Variants in COL4A4 observed in about 807,000 individuals in gnomAD.
COL4A4 encodes collagen alpha-4(IV) chain.
COL4A4 carries 105 observed loss-of-function variants against 192.9 expected under a neutral mutation model. The ratio of observed to expected loss-of-function variants is 0.54; its 90% confidence interval spans 0.46 to 0.64. COL4A4 has a LOEUF of 0.64. Ranked by LOEUF, COL4A4 falls within the 30% of genes least tolerant of loss-of-function variation. COL4A4 has a pLI of 0.00. For synonymous variants in COL4A4, 762 were observed against 769.9 expected, an observed-to-expected ratio of 0.99 and a Z score of 0.17; for missense variants, 1,967 against 2,169.3, an observed-to-expected ratio of 0.91 and a Z score of 1.85.
intron 21 of COL4A4, among the ~76,000 whole-genome samples, chr2:227,089,087 AAG>A (rs1374379025): frequency 6.6e-6 from 1 of 152,168 alleles, no homozygotes; most frequent in Non-Finnish European, 1.5e-5. Context: ...TTCTAGGGAA[AAG>A]CTGATATCCA....
At chr2:227,023,344 G>A (rs1322826631) in intron 43 of COL4A4, among the ~76,000 whole-genome samples, 2 of 151,662 alleles carry the variant, frequency 1.3e-5, no homozygotes, top group East Asian at 3.9e-4. Flanking sequence ...TCAGGAGGCT[G>A]AGGCAGGAGA....
At chr2:227,154,899 T>A (rs1319780821) in intron 1 of COL4A4, among the ~76,000 whole-genome samples, 1 of 152,214 alleles carries the variant, frequency 6.6e-6, no homozygotes. Context: ...TTGGTTTTGC[T>A]CTTTCTAAAA....
Position 227,078,026 on chromosome 2 carries a change from C to T in COL4A4, c.1855G>A (p.Gly619Ser), listed in dbSNP as rs2150476860. 6.2e-7 allele frequency: 1 copy of T among 1,613,974 alleles called. No homozygotes were observed. Among genetic ancestry groups the T allele is most frequent in the Non-Finnish European group, 8.5e-7 (1 of 1,179,986 alleles). ...ACAGGTCCTGCTTTGCCTGGGGGGC[C>T]CAGAGGTCCAGGAAATCCTTTACCA... ...PGGKGFPGPL[G>S]PPGKAGPVGP... The change falls in exon 25 of 48, where the codon GGC becomes AGC. Residue 619 changes from glycine to serine, a missense_variant. Gly to Ser is a moderately conservative substitution (Grantham distance 56, BLOSUM62 0). Transcript: ENST00000396625.
chr2:227,147,220 T>G (rs903491089), intron 2 of COL4A4, 193 bp downstream of exon 2: 3 of 705,488 alleles, frequency 4.3e-6, no homozygotes, highest in Non-Finnish European at 7.8e-6. Flanking sequence ...ATTTTGTGGA[T>G]GCATTTCAGG....
rs752287593 is a variant in COL4A4, at chr2:227,030,593, G to C, written c.3823C>G (p.Pro1275Ala). 2 of 1,605,396 alleles carry C rather than the reference G, an allele frequency of 1.2e-6. No homozygotes were observed. The highest frequency in any genetic ancestry group is 2.2e-5 in the South Asian group (2 of 90,130). The stretch of plus-strand genomic sequence containing the variant: ...CTCCCAGGGAGGCCTGGAGGCCCAG[G>C]TGCTCCTGACCACAGAGAAGAGACA... ...PPGPDGPRGA[P>A]GPPGLPGSVD... Residue 1275 changes from proline (P) to alanine (A), a missense_variant, in exon 41 of 48, where the codon CCT (proline) becomes GCT (alanine). Physicochemically the swap from Pro to Ala is conservative, Grantham distance 27. Coordinates refer to ENST00000396625, the MANE Select transcript of COL4A4 (RefSeq NM_000092.5).
intron 17 of COL4A4, 70 bp downstream of exon 17, chr2:227,101,434 A>C (rs889199930): frequency 2.4e-6 from 3 of 1,243,740 alleles, no homozygotes; most frequent in South Asian, 1.4e-5. Context: ...CAATACTTCT[A>C]AAAATAAATT....
Position 227,118,667 on chromosome 2 carries a change from G to A in COL4A4, c.467C>T (p.Ala156Val). The A allele has an allele frequency of 6.2e-7, 1 of 1,613,866 alleles. No homozygotes were observed. The highest frequency in any genetic ancestry group is 2.2e-5 in the East Asian group (1 of 44,880). Residue 156 changes from alanine (A) to valine (V), a missense_variant, in exon 7 of 48, where the codon GCT becomes GTT. Physicochemically the swap from Ala to Val is moderately conservative, Grantham distance 64. Transcript: ENST00000396625. Reference sequence around the variant, plus strand: ...TACTAGGGGGCCTCCTGGGCCAAGAGCTCCTCTTCCTCCTGGAAACCCTGG... The same window carrying A: ...TACTAGGGGGCCTCCTGGGCCAAGAACTCCTCTTCCTCCTGGAAACCCTGG... Reference protein sequence around the residue: ...GDPGFPGGRGALGPGGPLGHP... With the variant: ...GDPGFPGGRGVLGPGGPLGHP...
chr2:226,988,299 C>T, the COL4A4 span: 1 of 1,541,636 alleles, frequency 6.5e-7, no homozygotes, highest in Non-Finnish European at 8.8e-7. Flanking sequence ...CCCTGTCCTT[C>T]CCTTCCACTG....
intron 37 of COL4A4, among the ~76,000 whole-genome samples, chr2:227,038,260 G>C (rs1162740071): frequency 6.6e-6 from 1 of 152,148 alleles, no homozygotes; most frequent in Non-Finnish European, 1.5e-5. Context: ...GTAAGGAAGG[G>C]GTCCGGTTTC....
At chr2:226,971,172 C>G in the COL4A4 span, among the ~76,000 whole-genome samples, 4 of 152,216 alleles carry the variant, frequency 2.6e-5, no homozygotes, top group African/African-American at 9.6e-5. Flanking sequence ...GCTGTCCCTA[C>G]AGTGGCTGAA....
chr2:226,987,616 G>A, the COL4A4 span, among the ~76,000 whole-genome samples: 1 of 152,242 alleles, frequency 6.6e-6, no homozygotes, highest in Non-Finnish European at 1.5e-5. Context: ...TCGAACCTCT[G>A]TGTGGGAGTC....
At chr2:227,152,400 C>A (rs1460962101) in intron 1 of COL4A4, among the ~76,000 whole-genome samples, 1 of 152,188 alleles carries the variant, frequency 6.6e-6, no homozygotes, top group Non-Finnish European at 1.5e-5. Flanking sequence ...TCCTGAGAAT[C>A]TTTTTGTCTC....
chr2:227,089,974 G>A lies in COL4A4; in HGVS notation c.1370-17C>T, dbSNP rs369350196. On this transcript the variant is annotated splice_polypyrimidine_tract_variant and intron_variant, in intron 20 of 47. Transcript: ENST00000396625. ...AGTATATCACTGTCAAGGAGGTAAG[G>A]GGGTGGGCAGAGAGAATCACATAAT... The A allele has an allele frequency of 1.3e-6, 2 of 1,595,152 alleles. No individual in the cohort carries two copies. Among genetic ancestry groups the A allele is most frequent in the African/African-American group, 2.7e-5 (2 of 74,496 alleles).
chr2:226,986,634 C>G, the COL4A4 span, among the ~76,000 whole-genome samples: 1 of 152,118 alleles, frequency 6.6e-6, no homozygotes, highest in African/African-American at 2.4e-5. Context: ...CAATGAGATA[C>G]CATCTCATGC....
At position 227,054,724 on chromosome 2, in the gene COL4A4, C is replaced by A; in HGVS notation, c.2730G>T (p.Leu910=). 6.2e-7 allele frequency: 1 copy of A among 1,614,032 alleles called. No individual in the cohort carries two copies. Among genetic ancestry groups the A allele is most frequent in the Non-Finnish European group, 8.5e-7 (1 of 1,179,996 alleles). ...CTCCGGGAAAACCTGGGAAACCAGG[C>A]AGCCCCCGGGGTCCTGGTGAAATGA... ...GPPGPKGPRG[L]PGFPGFPGER... is the part of the protein sequence containing the mutation. Residue 910 remains leucine (L), a synonymous_variant, in exon 31 of 48, where the codon CTG becomes CTT. Coordinates refer to ENST00000396625, the MANE Select transcript of COL4A4 (RefSeq NM_000092.5).
At chr2:227,042,306 A>G (rs1307099852) in intron 36 of COL4A4, 51 bp from the exon 37 acceptor site, 1 of 1,031,226 alleles carries the variant, frequency 9.7e-7, no homozygotes. Context: ...AATGAATTAC[A>G]TTCACTGCAA....
At chr2:227,013,663 T>C (rs559069091) in intron 44 of COL4A4, among the ~76,000 whole-genome samples, 79 of 152,250 alleles carry the variant, frequency 5.2e-4, no homozygotes, top group South Asian at 1.5e-3. Flanking sequence ...CTGTGAAAAA[T>C]TGTCTGTTGT....
Position 227,119,887 on chromosome 2 carries a change from A to G in COL4A4, c.372+8T>C. ...TGAAAAAAGTGGAGAAAATTTAGGG[A>G]TACTTACAGGTATGCCATCTAAACC... On this transcript the variant is annotated splice_region_variant and intron_variant, in intron 6 of 47. Transcript: ENST00000396625. 6.3e-7 allele frequency: 1 copy of G among 1,578,332 alleles called. No individual in the cohort carries two copies. The highest frequency in any genetic ancestry group is 8.6e-7 in the Non-Finnish European group (1 of 1,160,564).
the COL4A4 span, among the ~76,000 whole-genome samples, chr2:226,968,092 T>C: frequency 2.0e-5 from 3 of 152,198 alleles, no homozygotes; most frequent in African/African-American, 7.2e-5. Flanking sequence ...AGCAAATATT[T>C]AGTGCTGTGT....
Sources: gnomAD v4.1 joint callset for allele counts (sites outside exome capture counted in the v4.1 genomes callset) on GRCh38, gnomAD v4.1.1 for gene constraint, MANE v1.5 for transcripts, NCBI Gene and HGNC (gene_info 2026-07-23, HGNC 2026-07-21) for gene names.